The following CSNK1G3 variants were observed in gnomAD, a reference collection of about 807,000 sequenced individuals.
CSNK1G3 encodes the protein casein kinase 1 gamma 3.
In CSNK1G3, 23 loss-of-function variants were observed where a neutral mutation model predicts 64.3. The observed-to-expected ratio is 0.36, with a 90% CI of 0.26 to 0.51. The LOEUF is 0.51. CSNK1G3 is among the 20% of genes least tolerant of loss of function. The pLI is 0.96. For missense variants in CSNK1G3, 357 were observed against 510.5 expected, an observed-to-expected ratio of 0.70 and a Z score of 2.90; for synonymous variants, 158 against 162.2, an observed-to-expected ratio of 0.97 and a Z score of 0.20.
chr5:123,568,442 T>C (rs1787392163), intron 4 of CSNK1G3, among the ~76,000 whole-genome samples: 1 of 152,208 alleles, frequency 6.6e-6, no homozygotes, highest in Non-Finnish European at 1.5e-5. Context: ...TTCATTGTTG[T>C]TGTGTAAAAT....
At chr5:123,522,773 A>G (rs1778354321) in intron 1 of CSNK1G3, among the ~76,000 whole-genome samples, 1 of 152,078 alleles carries the variant, frequency 6.6e-6, no homozygotes, top group Admixed American at 6.5e-5. Flanking sequence ...GAATCCAAGG[A>G]TGAGGAGCCC....
chr5:123,543,610 C>T (rs887640731), intron 1 of CSNK1G3, among the ~76,000 whole-genome samples: 1 of 152,128 alleles, frequency 6.6e-6, no homozygotes, highest in Admixed American at 6.6e-5. Flanking sequence ...TGTGTGTTGC[C>T]TGAGCCTCAC....
chr5:123,593,303 A>G (rs1186998831), intron 10 of CSNK1G3, among the ~76,000 whole-genome samples: 1 of 151,906 alleles, frequency 6.6e-6, no homozygotes, highest in Non-Finnish European at 1.5e-5. Flanking sequence ...ACACACTTTC[A>G]TCATGATAGA....
chr5:123,555,804 G>A (rs1039485294), intron 3 of CSNK1G3, among the ~76,000 whole-genome samples: 4 of 152,010 alleles, frequency 2.6e-5, no homozygotes, highest in African/African-American at 9.7e-5. Flanking sequence ...TCCTAAGGGG[G>A]AGTAGTGATT....
intron 1 of CSNK1G3, among the ~76,000 whole-genome samples, chr5:123,531,738 CAT>C (rs1269385473): frequency 3.9e-5 from 6 of 151,904 alleles, no homozygotes; most frequent in Admixed American, 6.6e-5. Flanking sequence ...TTTATTCACA[CAT>C]GTAGTTTTAT....
chr5:123,548,735 G>A (rs1043627215), intron 2 of CSNK1G3, among the ~76,000 whole-genome samples: 5 of 150,680 alleles, frequency 3.3e-5, no homozygotes, highest in Non-Finnish European at 5.9e-5. Flanking sequence ...GTGAGATCCT[G>A]TCTGTAAAAA....
exon 6 of CSNK1G3, chr5:123,575,941 C>A: frequency 6.2e-7 from 1 of 1,609,614 alleles, no homozygotes; most frequent in Non-Finnish European, 8.5e-7. Context: ...GATATATGAG[C>A]ATAAACACAC....
intron 1 of CSNK1G3, among the ~76,000 whole-genome samples, chr5:123,523,013 G>T (rs1778398990): frequency 1.3e-5 from 2 of 152,034 alleles, no homozygotes. Context: ...TTATAAGAGG[G>T]GAAGAAGTGT....
chr5:123,600,561 G>T (rs987432837), intron 10 of CSNK1G3, among the ~76,000 whole-genome samples: 15 of 151,288 alleles, frequency 9.9e-5, no homozygotes, highest in Non-Finnish European at 1.8e-4. Flanking sequence ...GGAGGTGGAG[G>T]TTGCAATGAG....
At chr5:123,580,375 T>C (rs1355588826) in intron 6 of CSNK1G3, among the ~76,000 whole-genome samples, 1 of 151,992 alleles carries the variant, frequency 6.6e-6, no homozygotes, top group East Asian at 1.9e-4. Flanking sequence ...GTTCCTAATA[T>C]AATAATATAG....
chr5:123,557,644 G>A, intron 4 of CSNK1G3, 80 bp downstream of exon 4: 1 of 910,976 alleles, frequency 1.1e-6, no homozygotes, highest in Non-Finnish European at 1.7e-6. Context: ...GGTATTTTAA[G>A]TTTGGTTAAG....
chr5:123,575,447 A>T (rs1221049506), intron 5 of CSNK1G3, among the ~76,000 whole-genome samples: 3 of 152,226 alleles, frequency 2.0e-5, no homozygotes, highest in African/African-American at 7.2e-5. Context: ...ATGAAGTAGC[A>T]TCCTCTGAAA....
intron 6 of CSNK1G3, among the ~76,000 whole-genome samples, chr5:123,582,107 A>T (rs993228658): frequency 1.3e-5 from 2 of 152,100 alleles, no homozygotes; most frequent in South Asian, 4.1e-4. Context: ...GAGTTAACGA[A>T]AAAGGGAATT....
chr5:123,537,572 C>CA (rs1025417774), intron 1 of CSNK1G3, among the ~76,000 whole-genome samples: 5 of 152,018 alleles, frequency 3.3e-5, no homozygotes, highest in African/African-American at 1.2e-4. Flanking sequence ...TAGATTTGTA[C>CA]AAAACGTAGC....
chr5:123,601,698 T>A (rs1794530405), intron 10 of CSNK1G3, among the ~76,000 whole-genome samples: 1 of 152,186 alleles, frequency 6.6e-6, no homozygotes, highest in African/African-American at 2.4e-5. Flanking sequence ...AGTTTTTCAT[T>A]TTCAATTATG....
chr5:123,573,985 G>C (rs375034547), intron 5 of CSNK1G3, among the ~76,000 whole-genome samples: 1 of 151,936 alleles, frequency 6.6e-6, no homozygotes, highest in African/African-American at 2.4e-5. Context: ...GAGTAGCTGG[G>C]ACAACAGGTG....
At chr5:123,605,487 C>T in intron 12 of CSNK1G3, 125 bp downstream of exon 13, 1 of 1,053,068 alleles carries the variant, frequency 9.5e-7, no homozygotes, top group Non-Finnish European at 1.4e-6. Context: ...AAAAGTTATT[C>T]AAAAGTATTT....
chr5:123,614,820 A>G (rs1388825175), exon 13 of CSNK1G3: 1 of 154,530 alleles, frequency 6.5e-6, no homozygotes, highest in Non-Finnish European at 1.4e-5. Context: ...TCAGTGGATA[A>G]TACAACAGAG....
rs1220659003 is a variant in CSNK1G3 at position 123,513,602 on chromosome 5, CATT to C, written c.-248+1036_-248+1038del. On this transcript the variant is annotated intron_variant, in intron 1 of 12. Coordinates refer to ENST00000345990, the Ensembl canonical transcript of CSNK1G3. ...TTTTTAATGAATTAAGAAAATAAGTCATTATTTTACTTTTTGCAATTACTTAGT... is the reference window on the plus strand; with the variant it reads ...TTTTTAATGAATTAAGAAAATAAGTCATTTTACTTTTTGCAATTACTTAGT... Among the ~76,000 whole-genome samples the C allele has an allele frequency of 3.9e-5, 6 of 152,008 alleles. No individual in the cohort carries two copies. The South Asian group carries it at 1.3e-3, about 32-fold the overall frequency.
Sources: allele counts gnomAD v4.1 joint callset (sites outside exome capture counted in the v4.1 genomes callset), GRCh38; gene constraint gnomAD v4.1.1; transcripts MANE v1.5; gene names NCBI Gene and HGNC (gene_info 2026-07-23, HGNC 2026-07-21).